Variants in CRACDL observed in about 807,000 individuals in gnomAD.
The protein encoded by CRACDL is CRACD like.
Under a neutral mutation model 70.6 loss-of-function variants are expected in CRACDL, and 26 were observed. That is an observed-to-expected ratio of 0.37 (90% confidence interval 0.27 to 0.51). The LOEUF is 0.51. Ranked by LOEUF, CRACDL falls within the 20% of genes least tolerant of loss-of-function variation. The pLI is 0.94. For missense variants in CRACDL, 1,283 were observed against 1,376.9 expected (o/e 0.93, Z 1.08); for synonymous variants, 618 against 615.2 (o/e 1.00, Z -0.07).
At chr2:98,917,819 G>A (rs1455642043) in intron 1 of CRACDL, among the ~76,000 whole-genome samples, 1 of 152,066 alleles carries the variant, frequency 6.6e-6, no homozygotes, top group Non-Finnish European at 1.5e-5. Context: ...ATCATTCCAC[G>A]CTCTATGTCC....
At chr2:98,898,636 A>G (rs1450904298) in intron 1 of CRACDL, among the ~76,000 whole-genome samples, 1 of 152,070 alleles carries the variant, frequency 6.6e-6, no homozygotes, top group Non-Finnish European at 1.5e-5. Flanking sequence ...TGGCTCCCAC[A>G]TTGTCTAGAG....
chr2:98,829,004 G>A (rs1705429737), intron 5 of CRACDL, among the ~76,000 whole-genome samples: 1 of 152,218 alleles, frequency 6.6e-6, no homozygotes. Flanking sequence ...CCCTTGTCTA[G>A]AGGAACAATG....
At chr2:98,799,719 T>C (rs1311421395) in intron 7 of CRACDL, among the ~76,000 whole-genome samples, 1 of 152,190 alleles carries the variant, frequency 6.6e-6, no homozygotes, top group Non-Finnish European at 1.5e-5. Context: ...AGCCACTTGC[T>C]GAACCAGCCA....
At chr2:98,878,626 T>C (rs999186842) in intron 1 of CRACDL, among the ~76,000 whole-genome samples, 8 of 152,178 alleles carry the variant, frequency 5.3e-5, no homozygotes, top group African/African-American at 1.9e-4. Context: ...ACAAACTCAG[T>C]TTTACGTGAA....
intron 1 of CRACDL, among the ~76,000 whole-genome samples, chr2:98,933,877 CA>C: frequency 6.6e-6 from 1 of 152,298 alleles, no homozygotes; most frequent in East Asian, 1.9e-4. Flanking sequence ...TTATTCCTTG[CA>C]GTTCCAGAGG....
At chr2:98,931,324 CAAAAAAAAAAA>C (rs530900049) in intron 1 of CRACDL, among the ~76,000 whole-genome samples, 4 of 96,262 alleles carry the variant, frequency 4.2e-5, no homozygotes, top group Non-Finnish European at 8.4e-5. Flanking sequence ...GACTCCATCT[CAAAAAAAAAAA>C]AAAAAAAAAA....
intron 2 of CRACDL, among the ~76,000 whole-genome samples, chr2:98,843,093 A>C (rs1487157710): frequency 6.6e-6 from 1 of 152,106 alleles, no homozygotes; most frequent in East Asian, 1.9e-4. Context: ...CAGACGTTTA[A>C]TACGTGTGTC....
chr2:98,861,071 T>TA, intron 1 of CRACDL, among the ~76,000 whole-genome samples: 1 of 152,154 alleles, frequency 6.6e-6, no homozygotes, highest in African/African-American at 2.4e-5. Context: ...ATAAAAACCA[T>TA]AGTGATGGCT....
At chr2:98,797,649 T>G in intron 7 of CRACDL, 112 bp from the exon 8 acceptor site, 2 of 963,858 alleles carry the variant, frequency 2.1e-6, no homozygotes, top group Non-Finnish European at 3.1e-6. Context: ...TTGCAGGGTG[T>G]CTGGGAGAGG....
rs1384111681 is a variant in CRACDL, at chr2:98,845,353, T to C, written c.70+1378A>G. On this transcript the variant is annotated intron_variant, in intron 2 of 9. Coordinates refer to ENST00000397899, the MANE Select transcript of CRACDL (RefSeq NM_207362.3). The stretch of plus-strand genomic sequence containing the variant: ...ATGGGACTACAGGTGTGTGCCACCA[T>C]GTCCAGCCAATTTTTAAATTTTTTT... 3.9e-5 allele frequency among the ~76,000 whole-genome samples: 6 copies of C among 151,998 alleles called. No individual in the cohort carries two copies. In the East Asian group the frequency reaches 7.7e-4, roughly 20 times the overall value.
chr2:98,922,323 C>T (rs2104695018), intron 1 of CRACDL, among the ~76,000 whole-genome samples: 1 of 151,660 alleles, frequency 6.6e-6, no homozygotes, highest in South Asian at 2.1e-4. Flanking sequence ...GCCTGTAGTC[C>T]CAGCTACTCA....
At chr2:98,828,885 G>A (rs1705424528) in intron 5 of CRACDL, among the ~76,000 whole-genome samples, 1 of 152,174 alleles carries the variant, frequency 6.6e-6, no homozygotes, top group African/African-American at 2.4e-5. Context: ...GACAACTCAG[G>A]AAGTCACCTT....
intron 1 of CRACDL, among the ~76,000 whole-genome samples, chr2:98,873,130 T>A (rs1707393702): frequency 6.6e-6 from 1 of 152,212 alleles, no homozygotes; most frequent in Admixed American, 6.5e-5. Context: ...TTGAAGCAGA[T>A]CCTACGTGTA....
At chr2:98,804,097 G>A (rs1034554562) in intron 7 of CRACDL, among the ~76,000 whole-genome samples, 5 of 152,190 alleles carry the variant, frequency 3.3e-5, no homozygotes, top group Admixed American at 1.3e-4. Context: ...ACAGTCGCTC[G>A]TCATCAGATC....
intron 1 of CRACDL, among the ~76,000 whole-genome samples, chr2:98,906,349 C>T (rs1708415222): frequency 1.3e-5 from 2 of 151,682 alleles, no homozygotes; most frequent in South Asian, 2.1e-4. Flanking sequence ...GCAACCTCCA[C>T]CTCCCCGATT....
chr2:98,903,431 T>C (rs1708332551), intron 1 of CRACDL, among the ~76,000 whole-genome samples: 1 of 152,106 alleles, frequency 6.6e-6, no homozygotes, highest in South Asian at 2.1e-4. Context: ...TTCAAACCCA[T>C]TTTGTTTCAC....
At chr2:98,803,747 A>G (rs1157419675) in intron 7 of CRACDL, among the ~76,000 whole-genome samples, 3 of 152,222 alleles carry the variant, frequency 2.0e-5, no homozygotes, top group African/African-American at 4.8e-5. Flanking sequence ...TGGATCCATC[A>G]TCGCCATTTC....
At chr2:98,832,713 G>T in intron 4 of CRACDL, 149 bp downstream of exon 4, 1 of 1,103,962 alleles carries the variant, frequency 9.1e-7, no homozygotes, top group Non-Finnish European at 1.3e-6. Context: ...AGATCCCACT[G>T]CAGCTCATTT....
chr2:98,840,104 C>T (rs554999213), intron 2 of CRACDL, among the ~76,000 whole-genome samples: 76 of 152,146 alleles, frequency 5.0e-4, no homozygotes, highest in African/African-American at 1.6e-3. Flanking sequence ...TGGTTTATTA[C>T]TTTTTAGACT....
Sources: allele counts gnomAD v4.1 joint callset (sites outside exome capture counted in the v4.1 genomes callset), GRCh38; gene constraint gnomAD v4.1.1; transcripts MANE v1.5; gene names NCBI Gene and HGNC (gene_info 2026-07-23, HGNC 2026-07-21).